Variants in WIPI2 observed in about 807,000 individuals in gnomAD.
WIPI2 encodes WD repeat domain, phosphoinositide interacting 2, also known as WD repeat domain phosphoinositide-interacting protein 2.
WIPI2 carries 28 observed loss-of-function variants against 52.3 expected under a neutral mutation model. That is an observed-to-expected ratio of 0.54 (90% CI 0.40 to 0.73). The LOEUF (loss-of-function observed/expected upper bound fraction) is 0.73, where lower values mean the gene tolerates loss of function less well. Ranked by LOEUF, WIPI2 falls within the 30% of genes least tolerant of loss-of-function variation. The pLI is 0.00. For synonymous variants in WIPI2, 268 were observed against 245.0 expected, an observed-to-expected ratio of 1.09 and a Z score of -0.88; for missense variants, 506 against 602.9, an observed-to-expected ratio of 0.84 and a Z score of 1.68.
intron 6 of WIPI2, 83 bp from the exon 7 acceptor site, chr7:5,217,839 T>G: frequency 7.5e-7 from 1 of 1,326,006 alleles, no homozygotes; most frequent in Non-Finnish European, 1.1e-6. Context: ...AACAGCTAAT[T>G]GGCACTTGCG....
chr7:5,229,425 A>G (rs567152905), intron 11 of WIPI2, 183 bp from the exon 12 acceptor site: 114 of 615,966 alleles, frequency 1.9e-4, no homozygotes, highest in South Asian at 6.1e-4. Context: ...CTTTCCATGT[A>G]AAACTCTTCA....
intron 7 of WIPI2, among the ~76,000 whole-genome samples, chr7:5,219,835 GT>G (rs112254073): frequency 6.4e-4 from 93 of 144,502 alleles, no homozygotes; most frequent in Middle Eastern, 3.6e-3. Flanking sequence ...TCAAGTACCA[GT>G]TTTTTTTTTT....
Position 5,227,483 on chromosome 7 carries a change from G to T in WIPI2, c.1013+139G>T. 8.1e-7 allele frequency: 1 copy of T among 1,231,892 alleles called. No homozygotes were observed. The highest frequency in any genetic ancestry group is 1.1e-6 in the Non-Finnish European group (1 of 908,032). 76.3% of individuals were successfully genotyped at this position (1,231,892 alleles called of 1,614,324 possible). A position where few individuals can be genotyped will look rare whatever the true frequency, so the allele number is the denominator to read the frequency against. ...CGACACTCCATCGAGAGTTGTCGGG[G>T]ATGGGAGGTCCCCTGGCAGGCACTA... On this transcript the variant is annotated intron_variant, in intron 10 of 12. Coordinates refer to ENST00000288828, the MANE Select transcript of WIPI2 (RefSeq NM_015610.4). This position sits in a 1 kb window ranked among gnomAD's most constrained non-coding sequence, Gnocchi z 8.1.
chr7:5,223,203 C>T (rs1388503828), intron 8 of WIPI2, among the ~76,000 whole-genome samples: 5 of 152,216 alleles, frequency 3.3e-5, no homozygotes, highest in African/African-American at 7.2e-5. Flanking sequence ...GACTGTCCCT[C>T]CCTCGTCGGA....
intron 1 of WIPI2, among the ~76,000 whole-genome samples, chr7:5,191,484 C>T (rs962289664): frequency 1.4e-4 from 21 of 152,190 alleles, no homozygotes; most frequent in Non-Finnish European, 1.5e-5. Flanking sequence ...GGGTCATCCT[C>T]AGGGCAAGAG....
intron 3 of WIPI2, among the ~76,000 whole-genome samples, chr7:5,211,066 C>T (rs563804283): frequency 6.6e-6 from 1 of 152,332 alleles, no homozygotes; most frequent in African/African-American, 2.4e-5. Context: ...AGCAGACACT[C>T]AGTAGCCCTA....
At chr7:5,220,919 A>G (rs1259975621) in intron 7 of WIPI2, among the ~76,000 whole-genome samples, 12 of 150,502 alleles carry the variant, frequency 8.0e-5, no homozygotes, top group Admixed American at 6.6e-4. Context: ...TCAGCCTCCC[A>G]ACTAGCTGGG....
intron 7 of WIPI2, among the ~76,000 whole-genome samples, chr7:5,220,778 G>A (rs553314864): frequency 3.3e-5 from 5 of 151,812 alleles, no homozygotes; most frequent in East Asian, 3.9e-4. Flanking sequence ...ATTCAGCTTA[G>A]ATAGTCTTTT....
chr7:5,211,816 T>G (rs1383730207), intron 3 of WIPI2, among the ~76,000 whole-genome samples: 1 of 152,224 alleles, frequency 6.6e-6, no homozygotes. Flanking sequence ...TACAGCTAAT[T>G]AGAGCAGAGC....
At position 5,228,210 on chromosome 7, in the gene WIPI2, C is replaced by A; in HGVS notation, c.1120C>A (p.Arg374=). The A allele has an allele frequency of 6.2e-7, 1 of 1,611,808 alleles. No homozygotes were observed. Among genetic ancestry groups the A allele is most frequent in the Non-Finnish European group, 8.5e-7 (1 of 1,179,420 alleles). Residue 374 remains arginine, a splice_region_variant and synonymous_variant, in exon 11 of 13, where the codon CGG becomes AGG. Coordinates refer to ENST00000288828, the MANE Select transcript of WIPI2 (RefSeq NM_015610.4). ...CGAGTGTGCCCTGATGAAGCAGCACCGGTGAGTCTGCTCCGGCCGCTTCAC... is the reference window on the plus strand; with the variant it reads ...CGAGTGTGCCCTGATGAAGCAGCACAGGTGAGTCTGCTCCGGCCGCTTCAC... ...GGECALMKQH[R]LDGSLETTNE... is the part of the protein sequence containing the mutation.
At chr7:5,191,960 C>T (rs1045544240) in intron 1 of WIPI2, among the ~76,000 whole-genome samples, 8 of 152,250 alleles carry the variant, frequency 5.3e-5, no homozygotes, top group African/African-American at 1.9e-4. Context: ...CCAAGCTGGT[C>T]TGGGTTTTGG....
chr7:5,214,884 C>G (rs1205699887), intron 4 of WIPI2, among the ~76,000 whole-genome samples, 180 bp downstream of exon 4: 1 of 152,208 alleles, frequency 6.6e-6, no homozygotes, highest in African/African-American at 2.4e-5. Flanking sequence ...TTTGCTCAGC[C>G]CATTCCATTC....
At chr7:5,190,601 G>C in intron 1 of WIPI2, 108 bp downstream of exon 1, 8 of 1,142,260 alleles carry the variant, frequency 7.0e-6, no homozygotes, top group Non-Finnish European at 8.0e-6. Context: ...CGGCCTCCCC[G>C]CGGGCCAAGG....
intron 3 of WIPI2, among the ~76,000 whole-genome samples, chr7:5,210,179 G>A (rs1782486108): frequency 6.6e-6 from 1 of 152,218 alleles, no homozygotes. Context: ...AAAGTGATGG[G>A]ACTCCAGGCG....
chr7:5,213,051 A>G (rs1213673936), intron 3 of WIPI2: 1 of 152,244 alleles, frequency 6.6e-6, no homozygotes, highest in African/African-American at 2.4e-5. Context: ...ATCCGCTGAC[A>G]AAGATTCCTG....
chr7:5,228,001 T>C, intron 10 of WIPI2, 103 bp from the exon 11 acceptor site: 1 of 1,070,162 alleles, frequency 9.3e-7, no homozygotes, highest in Non-Finnish European at 1.4e-6. Context: ...TGTGCTCATC[T>C]TGCTGGGGTC....
chr7:5,206,368 C>A (rs943598625), intron 3 of WIPI2, among the ~76,000 whole-genome samples: 1 of 152,156 alleles, frequency 6.6e-6, no homozygotes, highest in South Asian at 2.1e-4. Context: ...ATCATTGAAG[C>A]AAAATGGTAG....
rs149997871 is a variant in WIPI2, at chr7:5,232,395, G to A, written c.*1448G>A. On this transcript the variant is annotated 3_prime_UTR_variant, in exon 13 of 13. Transcript: ENST00000288828. ...TTACGGCAAACTAAATGCAGGGGAC[G>A]CTGGAGTCCGACTCACCTACACCGG... is the stretch of plus-strand genomic sequence containing the variant. 2.2e-4 allele frequency: 86 copies of A among 398,356 alleles called. No homozygotes were observed. The East Asian group carries it at 2.9e-3, about 13-fold the overall frequency. 24.7% of individuals were successfully genotyped at this position (398,356 alleles called of 1,614,324 possible). A position where few individuals can be genotyped will look rare whatever the true frequency, so the allele number is the denominator to read the frequency against.
In WIPI2 at chr7:5,217,106, A is replaced by C. The variant is rs1022540221; in HGVS notation, c.495A>C (p.Ser165=). ...PPNPAGLCAL[S]INNDNCYLAY... ...CATTTGCAGGCCTGTGTGCGCTGTCAATCAACAACGACAACTGCTACTTGG... is the reference window on the plus strand; with the variant it reads ...CATTTGCAGGCCTGTGTGCGCTGTCCATCAACAACGACAACTGCTACTTGG... Residue 165 remains serine (S), a synonymous_variant, in exon 6 of 13, where the codon TCA becomes TCC. Transcript: ENST00000288828. The C allele has an allele frequency of 6.2e-7, 1 of 1,613,206 alleles. No individual in the cohort carries two copies. Among genetic ancestry groups the C allele is most frequent in the African/African-American group, 1.3e-5 (1 of 74,914 alleles).
Sources: gnomAD v4.1 joint callset for allele counts (sites outside exome capture counted in the v4.1 genomes callset) on GRCh38, gnomAD v4.1.1 for gene constraint, Gnocchi (gnomAD v3.1) non-coding constraint, MANE v1.5 for transcripts, NCBI Gene and HGNC (gene_info 2026-07-23, HGNC 2026-07-21) for gene names.